The following CSMD3 variants were observed in gnomAD, a reference collection of about 807,000 sequenced individuals.
CSMD3 encodes the protein CUB and sushi domain-containing protein 3.
A neutral mutation model predicts 435.2 loss-of-function variants in CSMD3; 177 were observed. The observed-to-expected ratio is 0.41, with a 90% CI of 0.36 to 0.46. The LOEUF is 0.46. CSMD3 is among the 20% of genes least tolerant of loss of function. The pLI, the probability that CSMD3 is intolerant of heterozygous loss-of-function variation, is 0.34. For synonymous variants in CSMD3, 1,656 were observed against 1,520.5 expected (o/e 1.09, Z -2.07); for missense variants, 4,265 against 4,504.6 (o/e 0.95, Z 1.52).
chr8:112,953,213 A>G (rs1160712969), intron 8 of CSMD3, among the ~76,000 whole-genome samples: 2 of 151,562 alleles, frequency 1.3e-5, no homozygotes, highest in South Asian at 2.1e-4. Context: ...AAAATGTAGT[A>G]AACATAACAT....
intron 45 of CSMD3, among the ~76,000 whole-genome samples, chr8:112,325,130 C>A (rs1173383518): frequency 6.6e-6 from 1 of 152,040 alleles, no homozygotes; most frequent in Non-Finnish European, 1.5e-5. Context: ...ATTCTTACTT[C>A]TTAAAAAAAT....
intron 1 of CSMD3, among the ~76,000 whole-genome samples, chr8:113,328,132 C>T (rs68054182): frequency 0.1 from 15,846 of 151,870 alleles, 964 homozygotes; most frequent in Middle Eastern, 0.17. Flanking sequence ...AGAGAGAAAA[C>T]CTTTTGGGAT....
In CSMD3 at chr8:112,244,562, T is replaced by C. The variant is rs2130115198; in HGVS notation, c.10234A>G (p.Lys3412Glu). Residue 3412 changes from lysine (K) to glutamate (E), a missense_variant, in exon 65 of 71, where the codon AAA becomes GAA. Coordinates refer to ENST00000297405, the MANE Select transcript of CSMD3 (RefSeq NM_198123.2). ...IQPECIPHSC[K>E]QPETPAHANV... The stretch of plus-strand genomic sequence containing the variant: ...GCATGAGCAGGAGTTTCTGGCTGTT[T>C]ACAGCTGTGGGCTATATTAAGAAAA... 6.2e-7 allele frequency: 1 copy of C among 1,613,792 alleles called. No homozygotes were observed. The highest frequency in any genetic ancestry group is 1.1e-5 in the South Asian group (1 of 91,082).
intron 41 of CSMD3, 44 bp from the exon 42 acceptor site, chr8:112,341,730 G>C: frequency 8.2e-7 from 1 of 1,225,996 alleles, no homozygotes; most frequent in Non-Finnish European, 1.2e-6. Flanking sequence ...TTGCTTTACC[G>C]AATTAAACAT....
At chr8:112,266,915 A>G (rs1302456567) in intron 59 of CSMD3, among the ~76,000 whole-genome samples, 1 of 152,208 alleles carries the variant, frequency 6.6e-6, no homozygotes, top group Non-Finnish European at 1.5e-5. Flanking sequence ...GATAAAAAAC[A>G]TGTAGTATAC....
intron 1 of CSMD3, among the ~76,000 whole-genome samples, chr8:113,336,001 T>C (rs957732678): frequency 6.6e-6 from 1 of 152,128 alleles, no homozygotes; most frequent in Non-Finnish European, 1.5e-5. Context: ...TTTTTAAGTA[T>C]GTCTTTAGTC....
At chr8:113,021,887 A>G (rs1478930198) in intron 5 of CSMD3, among the ~76,000 whole-genome samples, 1 of 152,190 alleles carries the variant, frequency 6.6e-6, no homozygotes. Context: ...TGACAGCCTC[A>G]ATGCTTCAGT....
At chr8:112,596,456 A>G (rs1342590356) in intron 22 of CSMD3, among the ~76,000 whole-genome samples, 2 of 152,158 alleles carry the variant, frequency 1.3e-5, no homozygotes, top group Non-Finnish European at 2.9e-5. Context: ...AGACAGATCA[A>G]CGAGACAGAA....
chr8:112,907,732 G>A (rs561429246), intron 10 of CSMD3, among the ~76,000 whole-genome samples: 148 of 151,382 alleles, frequency 9.8e-4, no homozygotes, highest in Non-Finnish European at 1.7e-3. Context: ...TATAAAAAAA[G>A]TTCAGAGTCA....
chr8:113,238,310 C>T (rs1005933585), intron 3 of CSMD3, among the ~76,000 whole-genome samples: 2 of 152,040 alleles, frequency 1.3e-5, no homozygotes, highest in Non-Finnish European at 2.9e-5. Context: ...GTGGGGCCAG[C>T]GGCTTTGCTT....
intron 1 of CSMD3, among the ~76,000 whole-genome samples, chr8:113,380,120 T>C (rs2094408833): frequency 6.6e-6 from 1 of 152,204 alleles, no homozygotes; most frequent in Non-Finnish European, 1.5e-5. Flanking sequence ...GTTCTTTTTT[T>C]TAACCAGCTA....
intron 11 of CSMD3, among the ~76,000 whole-genome samples, chr8:112,846,431 T>G (rs948834117): frequency 6.6e-6 from 1 of 151,366 alleles, no homozygotes; most frequent in African/African-American, 2.4e-5. Flanking sequence ...TTGAGATAGG[T>G]GTTGCTCTGT....
chr8:112,346,803 C>T (rs1586835177), intron 40 of CSMD3, among the ~76,000 whole-genome samples: 2 of 150,880 alleles, frequency 1.3e-5, no homozygotes, highest in East Asian at 3.9e-4. Flanking sequence ...CTCAGCCACC[C>T]GAGTAGCTGG....
Position 112,834,833 on chromosome 8 carries a change from C to T in CSMD3, c.1756-5044G>A, listed in dbSNP as rs114348600. 6.2e-3 allele frequency among the ~76,000 whole-genome samples: 942 copies of T among 151,860 alleles called. 9 individuals carry two copies. Among genetic ancestry groups the T allele is most frequent in the African/African-American group, 0.022 (916 of 41,490 alleles). On this transcript the variant is annotated intron_variant, in intron 11 of 70. Coordinates refer to ENST00000297405, the MANE Select transcript of CSMD3 (RefSeq NM_198123.2). ...CATTTAGTGTAAAAAGAATGCCATA[C>T]ATTTTGCCTGTTTTACTTCTTCCTA...
chr8:113,052,669 C>A (rs1222434356), intron 5 of CSMD3, among the ~76,000 whole-genome samples: 1 of 152,090 alleles, frequency 6.6e-6, no homozygotes, highest in Non-Finnish European at 1.5e-5. Context: ...ATAGTCCAAG[C>A]TACTTGGGAG....
chr8:112,535,630 C>A (rs1358927745), intron 27 of CSMD3, among the ~76,000 whole-genome samples: 3 of 152,026 alleles, frequency 2.0e-5, no homozygotes, highest in Non-Finnish European at 4.4e-5. Context: ...CCATCCCCAT[C>A]AAGCTACCAA....
intron 2 of CSMD3, among the ~76,000 whole-genome samples, chr8:113,295,375 C>T (rs191696332): frequency 6.6e-6 from 1 of 152,090 alleles, no homozygotes; most frequent in Admixed American, 6.6e-5. Flanking sequence ...ATTGCCACCA[C>T]AATTTACATA....
intron 5 of CSMD3, 35 bp downstream of exon 5, chr8:113,098,721 C>T (rs2090240589): frequency 1.4e-6 from 2 of 1,391,706 alleles, no homozygotes; most frequent in African/African-American, 1.4e-5. Context: ...GCTTCAACAA[C>T]ATCAATGCAA....
chr8:113,228,398 A>G (rs1012197991), intron 3 of CSMD3, among the ~76,000 whole-genome samples: 47 of 151,700 alleles, frequency 3.1e-4, no homozygotes, highest in African/African-American at 1.0e-3. Flanking sequence ...CAAAATGTGT[A>G]AACTCTAATA....
Sources: gnomAD v4.1 joint callset for allele counts (sites outside exome capture counted in the v4.1 genomes callset) on GRCh38, gnomAD v4.1.1 for gene constraint, MANE v1.5 for transcripts, NCBI Gene and HGNC (gene_info 2026-07-23, HGNC 2026-07-21) for gene names.